OPLAH: variants seen among roughly 807,000 people sequenced by gnomAD.
OPLAH encodes the protein 5-oxoprolinase, ATP-hydrolysing.
In OPLAH, 103 loss-of-function variants were observed where a neutral mutation model predicts 122.8. That is an observed-to-expected ratio of 0.84 (90% CI 0.71 to 0.99). OPLAH has a LOEUF of 0.99. OPLAH is among the 50% of genes least tolerant of loss of function. The pLI is 0.00. For synonymous variants in OPLAH, 875 were observed against 796.0 expected (o/e 1.10, Z -1.67); for missense variants, 1,902 against 1,836.5 (o/e 1.04, Z -0.65).
In OPLAH at chr8:144,057,862, G is replaced by A. The variant is rs782155304; in HGVS notation, c.1150C>T (p.Arg384Cys). 1.4e-5 allele frequency: 22 copies of A among 1,611,192 alleles called. No individual in the cohort carries two copies. Among genetic ancestry groups the A allele is most frequent in the South Asian group, 8.8e-5 (8 of 90,968 alleles). ...GCCAGATCCTGACTCTTACCTTTGC[G>A]GTAGCAGGCGGGTCCTGGGTGGGCT... ...AGAHPGPACY[R>C]KGGPVTVTDA... The change falls in exon 9 of 27, where the codon CGC (arginine) becomes TGC (cysteine). Residue 384 changes from arginine to cysteine, a missense_variant. Coordinates refer to ENST00000618853, the MANE Select transcript of OPLAH (RefSeq NM_017570.5).
rs1554758669 is a variant in OPLAH, at chr8:144,055,084, T to C, written c.2354A>G (p.Asn785Ser). The C allele has an allele frequency of 3.8e-6, 6 of 1,567,514 alleles. No homozygotes were observed. In the South Asian group the frequency reaches 4.8e-5, roughly 13 times the overall value. ...CAGGTGCACAGGGATGTGGGGGGCA[T>C]TGGACACCAGCCCCCCATCGGGCCC... ...LFGPDGGLVSNAPHIPVHLGA... is the reference protein window; with the variant it reads ...LFGPDGGLVSSAPHIPVHLGA... Residue 785 changes from asparagine (N) to serine (S), a missense_variant, in exon 17 of 27, where the codon AAT becomes AGT. By Grantham distance (46) the Asn-to-Ser change is conservative. Around this residue, in one of 3 missense-constraint regions of OPLAH, gnomAD observed 1,726 missense variants for 1,642.1 expected, o/e 1.05. Transcript: ENST00000618853. This position sits in a 1 kb window ranked among gnomAD's most constrained non-coding sequence, Gnocchi z 6.5.
At chr8:144,058,443 AAGGCCC>A (rs782021869) in intron 6 of OPLAH, 39 bp from the exon 7 acceptor site, 20 of 1,583,882 alleles carry the variant, frequency 1.3e-5, no homozygotes, top group South Asian at 2.2e-5. Context: ...GGGGCAGGCC[AAGGCCC>A]AGGCCCAGGC....
At chr8:144,054,778 G>A (rs1038233194) in intron 18 of OPLAH, 34 bp downstream of exon 18, 1 of 1,612,078 alleles carries the variant, frequency 6.2e-7, no homozygotes. Flanking sequence ...GGCCACCACT[G>A]CCCCAGCAGA....
In OPLAH at chr8:144,057,101, G is replaced by C; in HGVS notation, c.1553C>G (p.Ser518Trp). ...VHIHRHSGLL[S>W]ALGLALADVV... is the part of the protein sequence containing the mutation. The stretch of plus-strand genomic sequence containing the variant: ...GTCAGCCAGGGCCAGCCCCAGGGCC[G>C]ACAGCAGCCCACTGTGCCTGCAGGG... Residue 518 changes from serine to tryptophan, a missense_variant, in exon 12 of 27, where the codon TCG (serine) becomes TGG (tryptophan). By Grantham distance (177) the Ser-to-Trp change is radical (BLOSUM62 -3). Coordinates refer to ENST00000618853, the MANE Select transcript of OPLAH (RefSeq NM_017570.5). The C allele has an allele frequency of 1.2e-6, 2 of 1,600,674 alleles. No homozygotes were observed. Among genetic ancestry groups the C allele is most frequent in the Non-Finnish European group, 1.7e-6 (2 of 1,174,688 alleles).
In OPLAH at chr8:144,052,045, G is replaced by A. The variant is rs1554757800; in HGVS notation, c.3493C>T (p.Arg1165Trp). The A allele has an allele frequency of 1.3e-6, 2 of 1,588,076 alleles. No individual in the cohort carries two copies. Among genetic ancestry groups the A allele is most frequent in the Non-Finnish European group, 1.7e-6 (2 of 1,175,324 alleles). The change falls in exon 25 of 27, where the codon CGG becomes TGG. Residue 1165 changes from arginine (R) to tryptophan (W), a missense_variant. Around this residue, in one of 3 missense-constraint regions of OPLAH, gnomAD observed 1,726 missense variants for 1,642.1 expected, o/e 1.05. Transcript: ENST00000618853. ...CGGCCTCTGCCCCCCGAGCCCCGCC[G>A]CAGCTCGAAGCGGCGCAGGATGACC... ...YPVILRRFELRRGSGGRGRFR... is the reference protein window; with the variant it reads ...YPVILRRFELWRGSGGRGRFR...
rs544934035 is a variant in OPLAH, at chr8:144,058,554, G to T, written c.725C>A (p.Thr242Lys). Residue 242 changes from threonine to lysine, a missense_variant, in exon 6 of 27, where the codon ACG becomes AAG. Physicochemically the swap from Thr to Lys is moderately conservative, Grantham distance 78 (BLOSUM62 -1). Around this residue, in one of 3 missense-constraint regions of OPLAH, gnomAD observed 1,726 missense variants for 1,642.1 expected, o/e 1.05. Coordinates refer to ENST00000618853, the MANE Select transcript of OPLAH (RefSeq NM_017570.5). ...CTGCACGTAGCGCTGGATGGCGGGC[G>T]TGAGGTAGGCGTCGGCACAGGCCGT... ...GHTACADAYL[T>K]PAIQRYVQGF... 1.2e-6 allele frequency: 2 copies of T among 1,600,386 alleles called. No homozygotes were observed. The highest frequency in any genetic ancestry group is 1.7e-6 in the Non-Finnish European group (2 of 1,178,538).
At chr8:144,051,608 C>A in intron 26 of OPLAH, 121 bp downstream of exon 26, 1 of 1,182,312 alleles carries the variant, frequency 8.5e-7, no homozygotes, top group Non-Finnish European at 1.2e-6. Flanking sequence ...TACGCGCCCC[C>A]TTTCCTTCCG....
upstream of OPLAH, among the ~76,000 whole-genome samples, chr8:144,063,199 C>T (rs967559411): frequency 3.3e-5 from 5 of 152,210 alleles, no homozygotes; most frequent in African/African-American, 1.2e-4. The surrounding 1 kb of genome is among the most constrained non-coding windows in gnomAD (Gnocchi z 4.2). Context: ...AGCCCCAGGC[C>T]ACCTACCAGT....
chr8:144,057,822 G>A (rs1835561481), intron 9 of OPLAH, 34 bp downstream of exon 9: 7 of 1,605,628 alleles, frequency 4.4e-6, no homozygotes, highest in East Asian at 2.2e-5. Context: ...GCAAGCGGAG[G>A]GCAAGGCCAG....
At position 144,056,769 on chromosome 8, in the gene OPLAH, T is replaced by C; in HGVS notation, c.1707-14A>G. On this transcript the variant is annotated splice_polypyrimidine_tract_variant and intron_variant, in intron 12 of 26. Coordinates refer to ENST00000618853, the MANE Select transcript of OPLAH (RefSeq NM_017570.5). ...CTGATCTGGGACCTGCAGCAGGTGGTTGGGGGCACTCACACCAAACCCCCT... is the reference window on the plus strand; with the variant it reads ...CTGATCTGGGACCTGCAGCAGGTGGCTGGGGGCACTCACACCAAACCCCCT... 6.3e-7 allele frequency: 1 copy of C among 1,595,574 alleles called. No homozygotes were observed. The highest frequency in any genetic ancestry group is 8.5e-7 in the Non-Finnish European group (1 of 1,169,858).
chr8:144,050,966 C>T (rs1213049249), downstream of OPLAH: 1 of 1,053,658 alleles, frequency 9.5e-7, no homozygotes, highest in Non-Finnish European at 1.1e-6. Flanking sequence ...AGAAAGGGCG[C>T]CACCTCTACC....
downstream of OPLAH, chr8:144,051,155 C>T (rs975422805): frequency 7.0e-7 from 1 of 1,428,252 alleles, no homozygotes; most frequent in Non-Finnish European, 9.1e-7. Context: ...TGGAGGGGCT[C>T]ACGGACCACC....
Position 144,055,986 on chromosome 8 carries a change from C to G in OPLAH, c.2097-47G>C. 6.6e-7 allele frequency: 1 copy of G among 1,508,344 alleles called. No individual in the cohort carries two copies. Among genetic ancestry groups the G allele is most frequent in the Non-Finnish European group, 8.9e-7 (1 of 1,123,900 alleles). 93.4% of individuals were successfully genotyped at this position (1,508,344 alleles called of 1,614,324 possible). A position where few individuals can be genotyped will look rare whatever the true frequency, so the allele number is the denominator to read the frequency against. On this transcript the variant is annotated intron_variant, in intron 15 of 26. Transcript: ENST00000618853. This position sits in a 1 kb window ranked among gnomAD's most constrained non-coding sequence, Gnocchi z 6.5. ...GGGCTGCATGGGGCCAGGCGACACCCCTCCAACCAGAGATGCCACGGCCCC... is the reference window on the plus strand; with the variant it reads ...GGGCTGCATGGGGCCAGGCGACACCGCTCCAACCAGAGATGCCACGGCCCC...
intron 19 of OPLAH, among the ~76,000 whole-genome samples, chr8:144,054,049 GC>G (rs1244010883): frequency 1.5e-5 from 2 of 136,302 alleles, no homozygotes; most frequent in Non-Finnish European, 3.0e-5. Flanking sequence ...CCCCCACCTT[GC>G]CCCCCAGCCT....
chr8:144,060,303 G>A (rs1023646523), intron 1 of OPLAH, among the ~76,000 whole-genome samples: 1 of 152,246 alleles, frequency 6.6e-6, no homozygotes, highest in Non-Finnish European at 1.5e-5. Context: ...GCGCTTCTCC[G>A]GGCCCTGGAC....
chr8:144,052,489 T>C lies in OPLAH; in HGVS notation c.3263A>G (p.Asp1088Gly). ...GNVLTSQRVV[D>G]VILGAFGACA... The stretch of plus-strand genomic sequence containing the variant: ...GGCCCCAAAGGCCCCCAGGATGACA[T>C]CCACCACGCGCTGCGACGTGAGCAC... Residue 1088 changes from aspartate to glycine, a missense_variant, in exon 23 of 27, where the codon GAT becomes GGT. Transcript: ENST00000618853. 6.4e-7 allele frequency: 1 copy of C among 1,563,446 alleles called. No homozygotes were observed. Among genetic ancestry groups the C allele is most frequent in the Non-Finnish European group, 8.6e-7 (1 of 1,161,310 alleles).
At chr8:144,061,341 AACCC>A (rs1835659925), upstream of OPLAH, among the ~76,000 whole-genome samples, 2 of 152,132 alleles carry the variant, frequency 1.3e-5, no homozygotes, top group South Asian at 4.1e-4. Flanking sequence ...ACACGGTTGA[AACCC>A]CCTCGCTACT....
rs368055926 is a variant in OPLAH, at chr8:144,058,747, G to T, written c.587+26C>A. The T allele has an allele frequency of 8.2e-6, 13 of 1,581,984 alleles. No homozygotes were observed. In the African/African-American group the frequency reaches 1.2e-4, roughly 15 times the overall value. On this transcript the variant is annotated intron_variant, in intron 5 of 26. Transcript: ENST00000618853. ...CCCACCAGGCCCGGCACCTGCTCCC[G>T]CAGCCCACAGCCCCACCTCACTCAC... is the stretch of plus-strand genomic sequence containing the variant.
intron 6 of OPLAH, 36 bp downstream of exon 6, chr8:144,058,460 C>A (rs782145080): frequency 5.1e-6 from 8 of 1,578,604 alleles, no homozygotes; most frequent in Non-Finnish European, 6.9e-6. Context: ...AGGCCCAGGC[C>A]CAGGAGTGGG....
Sources: allele counts gnomAD v4.1 joint callset (sites outside exome capture counted in the v4.1 genomes callset), GRCh38; gene constraint gnomAD v4.1.1; regional missense constraint gnomAD v4.1.1; non-coding constraint Gnocchi (gnomAD v3.1); transcripts MANE v1.5; gene names NCBI Gene and HGNC (gene_info 2026-07-23, HGNC 2026-07-21).